The following ZDHHC11 variants were observed in gnomAD, a reference collection of about 807,000 sequenced individuals.
ZDHHC11 encodes the protein palmitoyltransferase ZDHHC11.
In ZDHHC11, 44 loss-of-function variants were observed where a neutral mutation model predicts 51.3. That is an observed-to-expected ratio of 0.86 (90% CI 0.67 to 1.10). ZDHHC11 has a LOEUF of 1.10. ZDHHC11 is among the 50% of genes least tolerant of loss of function. The pLI, the probability that ZDHHC11 is intolerant of heterozygous loss-of-function variation, is 0.00. For synonymous variants in ZDHHC11, 163 were observed against 222.0 expected (o/e 0.73, Z 2.36); for missense variants, 400 against 537.7 (o/e 0.74, Z 2.53).
chr5:821,633 A>G (rs1741577359), intron 9 of ZDHHC11, among the ~76,000 whole-genome samples: 1 of 136,828 alleles, frequency 7.3e-6, no homozygotes, highest in Non-Finnish European at 1.5e-5. Context: ...CAAGGAGCGT[A>G]CCAGGAAAAA....
intron 11 of ZDHHC11, among the ~76,000 whole-genome samples, chr5:813,910 C>A (rs1427322598): frequency 6.6e-6 from 1 of 150,568 alleles, no homozygotes; most frequent in African/African-American, 2.5e-5. Flanking sequence ...TGTCTGTGCA[C>A]CTGGGGTGGT....
intron 11 of ZDHHC11, among the ~76,000 whole-genome samples, chr5:802,574 G>A (rs145376075): frequency 6.6e-6 from 1 of 150,468 alleles, no homozygotes; most frequent in Non-Finnish European, 1.5e-5. Context: ...AGCTATAGAG[G>A]CTGGTCCTTC....
At chr5:849,361 G>T (rs1746791927) in intron 1 of ZDHHC11, among the ~76,000 whole-genome samples, 1 of 152,248 alleles carries the variant, frequency 6.6e-6, no homozygotes, top group East Asian at 1.9e-4. Flanking sequence ...CCACAGGAGG[G>T]ACATCCCAGG....
At chr5:809,319 C>A (rs1211297126) in intron 11 of ZDHHC11, among the ~76,000 whole-genome samples, 1 of 141,442 alleles carries the variant, frequency 7.1e-6, no homozygotes, top group Non-Finnish European at 1.5e-5. Context: ...AGGACCCTTC[C>A]TGTAGATGGT....
At chr5:845,425 G>A (rs1324199773) in intron 3 of ZDHHC11, among the ~76,000 whole-genome samples, 6 of 149,336 alleles carry the variant, frequency 4.0e-5, no homozygotes, top group Admixed American at 2.6e-4. Flanking sequence ...TTCACGCGGG[G>A]CCTCCTCTCC....
rs150881187 is a variant in ZDHHC11 at position 836,493 on chromosome 5, G to A, written c.900+872C>T. On this transcript the variant is annotated intron_variant, in intron 6 of 12. Coordinates refer to ENST00000283441, the MANE Select transcript of ZDHHC11 (RefSeq NM_024786.3). Reference sequence around the variant, plus strand: ...TATCTGGTTTGGTGTCAGGTTGATAGTGGCATTGCTGAATGAGTTGGGAAG... The same window carrying A: ...TATCTGGTTTGGTGTCAGGTTGATAATGGCATTGCTGAATGAGTTGGGAAG... 9.4e-3 allele frequency among the ~76,000 whole-genome samples: 1,408 copies of A among 150,284 alleles called. 98 individuals are homozygous for A. The highest frequency in any genetic ancestry group is 0.032 in the African/African-American group (1,301 of 40,796).
At chr5:803,333 C>CCTTGTTTGTAG (rs1337773209) in intron 11 of ZDHHC11, among the ~76,000 whole-genome samples, 12 of 151,416 alleles carry the variant, frequency 7.9e-5, no homozygotes, top group African/African-American at 2.4e-4. Flanking sequence ...GACATTCCCC[C>CCTTGTTTGTAG]CTTGTTTGTA....
chr5:796,283 G>A lies in ZDHHC11; in HGVS notation c.*305C>T, dbSNP rs1737566110. The A allele has an allele frequency of 6.5e-6, 1 of 154,346 alleles. No homozygotes were observed. The highest frequency in any genetic ancestry group is 6.6e-5 in the Admixed American group (1 of 15,206). The allele number at this position is 154,346 out of a possible 1,614,324, so 9.6% of individuals were successfully genotyped here. On this transcript the variant is annotated 3_prime_UTR_variant, in exon 13 of 13. Coordinates refer to ENST00000283441, the MANE Select transcript of ZDHHC11 (RefSeq NM_024786.3). Reference sequence around the variant, plus strand: ...CTGGCTGGCTGGACAGCACAGTTAAGCAGGTGGCTGCATCCTCTGCAGTTG... The same window carrying A: ...CTGGCTGGCTGGACAGCACAGTTAAACAGGTGGCTGCATCCTCTGCAGTTG...
intron 11 of ZDHHC11, among the ~76,000 whole-genome samples, chr5:809,019 ACTATTTATTCCC>A (rs1739729982): frequency 7.4e-5 from 11 of 148,138 alleles, no homozygotes; most frequent in South Asian, 2.1e-4. Flanking sequence ...ACACACGCAC[ACTATTTATTCCC>A]CACCTGTCTC....
chr5:837,095 G>A (rs1348894734), intron 6 of ZDHHC11, among the ~76,000 whole-genome samples: 1,514 of 151,104 alleles, frequency 0.01, no homozygotes, highest in Non-Finnish European at 0.016. Context: ...AACTTTGGAA[G>A]ATGTATCGTG....
At chr5:850,279 T>C in intron 1 of ZDHHC11, 102 bp downstream of exon 1, 1 of 1,346,002 alleles carries the variant, frequency 7.4e-7, no homozygotes, top group Non-Finnish European at 1.0e-6. Context: ...GGCAGGTGAC[T>C]GGTGCCACCG....
At chr5:816,532 CAA>C in intron 10 of ZDHHC11, 1 of 548,110 alleles carries the variant, frequency 1.8e-6, no homozygotes. Context: ...ATGATTCTGC[CAA>C]AAAGATACTT....
rs1236274132 is a variant in ZDHHC11 at position 835,423 on chromosome 5, T to C, written c.901-1616A>G. Among the ~76,000 whole-genome samples, 298 of 150,608 alleles carry C rather than the reference T, an allele frequency of 2.0e-3. 3 individuals are homozygous for C. The highest frequency in any genetic ancestry group is 3.9e-3 in the African/African-American group (160 of 41,222). On this transcript the variant is annotated intron_variant, in intron 6 of 12. Transcript: ENST00000283441. Reference sequence around the variant, plus strand: ...ATTTCTCTATATCTGTCTCTGTCGGTGCCACACTGTTTTTATTACTGTAGC... The same window carrying C: ...ATTTCTCTATATCTGTCTCTGTCGGCGCCACACTGTTTTTATTACTGTAGC...
At chr5:816,945 G>A (rs892734446) in intron 10 of ZDHHC11, 8 of 335,582 alleles carry the variant, frequency 2.4e-5, no homozygotes, top group East Asian at 6.7e-5. Context: ...ATGGATGCAT[G>A]AGCCTGAAAT....
chr5:815,818 C>G (rs1740711816), intron 10 of ZDHHC11, among the ~76,000 whole-genome samples: 1 of 151,512 alleles, frequency 6.6e-6, no homozygotes, highest in South Asian at 2.1e-4. Context: ...GTTGCCCAGG[C>G]TGGTCTCAAA....
At chr5:845,617 G>A in intron 3 of ZDHHC11, among the ~76,000 whole-genome samples, 1 of 152,216 alleles carries the variant, frequency 6.6e-6, no homozygotes, top group Admixed American at 6.5e-5. Context: ...CCCTCACAGG[G>A]GCTCTGCCAT....
intron 8 of ZDHHC11, among the ~76,000 whole-genome samples, chr5:824,395 A>G (rs1464796837): frequency 6.6e-6 from 1 of 151,470 alleles, no homozygotes; most frequent in African/African-American, 2.4e-5. Flanking sequence ...CAGGAGTTGG[A>G]GGCTGCAGTG....
chr5:845,639 C>T (rs1243300249), intron 3 of ZDHHC11, among the ~76,000 whole-genome samples: 1 of 152,040 alleles, frequency 6.6e-6, no homozygotes, highest in Non-Finnish European at 1.5e-5. Flanking sequence ...AGCTGGGCCT[C>T]CCCATGGGGG....
intron 8 of ZDHHC11, 119 bp from the exon 9 acceptor site, chr5:822,014 G>A (rs1331703360): frequency 6.9e-6 from 6 of 871,762 alleles, no homozygotes; most frequent in African/African-American, 1.6e-5. Context: ...GTACATCAAG[G>A]TTGCCTGGAT....
Sources: allele counts gnomAD v4.1 joint callset (sites outside exome capture counted in the v4.1 genomes callset), GRCh38; gene constraint gnomAD v4.1.1; transcripts MANE v1.5; gene names NCBI Gene and HGNC (gene_info 2026-07-23, HGNC 2026-07-21).